Variants in FAM222B observed in about 807,000 individuals in gnomAD.
FAM222B encodes family with sequence similarity 222 member B.
A neutral mutation model predicts 38.0 loss-of-function variants in FAM222B; 12 were observed. That is an observed-to-expected ratio of 0.32 (90% CI 0.20 to 0.51). FAM222B has a LOEUF of 0.51. Among genes scored for constraint, FAM222B ranks in the 20% least tolerant of loss-of-function variants. The pLI, the probability that FAM222B is intolerant of heterozygous loss-of-function variation, is 0.97. For synonymous variants in FAM222B, 329 were observed against 317.2 expected, an observed-to-expected ratio of 1.04 and a Z score of -0.40; for missense variants, 716 against 754.2, an observed-to-expected ratio of 0.95 and a Z score of 0.59.
intron 2 of FAM222B, among the ~76,000 whole-genome samples, chr17:28,764,668 A>G (rs1388049997): frequency 6.6e-6 from 1 of 151,788 alleles, no homozygotes; most frequent in Admixed American, 6.6e-5. Flanking sequence ...AATCGCTTGA[A>G]CCCAGAAGGC....
chr17:28,813,152 C>CA (rs34840127), intron 1 of FAM222B, among the ~76,000 whole-genome samples: 11,252 of 121,644 alleles, frequency 0.092, 569 homozygotes, highest in African/African-American at 0.14. Flanking sequence ...CACACACATA[C>CA]AAAAAAAAAA....
At position 28,759,073 on chromosome 17, in the gene FAM222B, T is replaced by C. The variant is rs1241401894; in HGVS notation, c.886A>G (p.Ser296Gly). The C allele has an allele frequency of 6.2e-7, 1 of 1,612,148 alleles. No homozygotes were observed. The highest frequency in any genetic ancestry group is 2.2e-5 in the East Asian group (1 of 44,802). Residue 296 changes from serine to glycine, a missense_variant, in exon 3 of 3, where the codon AGC becomes GGC. By Grantham distance (56) the Ser-to-Gly change is moderately conservative (BLOSUM62 0). Transcript: ENST00000581407. This position sits in a 1 kb window ranked among gnomAD's most constrained non-coding sequence, Gnocchi z 4.8. ...ATGAGCAGACTGCGACTAATGGGGCTGGGGTTGGCGATCTGGCCCTCACAC... is the reference window on the plus strand; with the variant it reads ...ATGAGCAGACTGCGACTAATGGGGCCGGGGTTGGCGATCTGGCCCTCACAC... ...SVCEGQIANP[S>G]PISRSLLINA...
At chr17:28,809,047 G>A (rs945132793) in intron 1 of FAM222B, among the ~76,000 whole-genome samples, 2 of 151,984 alleles carry the variant, frequency 1.3e-5, no homozygotes, top group African/African-American at 2.4e-5. Context: ...ATTCCAAGCC[G>A]TGACTCACAG....
In FAM222B at chr17:28,815,157, G is replaced by T. The variant is rs117439686; in HGVS notation, c.-41+27525C>A. Among the ~76,000 whole-genome samples the T allele has an allele frequency of 3.0e-4, 45 of 151,536 alleles. No individual in the cohort carries two copies. The East Asian group carries it at 8.2e-3, about 28-fold the overall frequency. On this transcript the variant is annotated intron_variant, in intron 1 of 2. Transcript: ENST00000581407. Reference sequence around the variant, plus strand: ...ATGTTACACCAATCCGTCAACAGTAGTTATTGAGAGAATAAGAATACAGGT... The same window carrying T: ...ATGTTACACCAATCCGTCAACAGTATTTATTGAGAGAATAAGAATACAGGT...
At chr17:28,837,056 C>A (rs980219316) in intron 1 of FAM222B, among the ~76,000 whole-genome samples, 1 of 152,116 alleles carries the variant, frequency 6.6e-6, no homozygotes, top group East Asian at 1.9e-4. Context: ...GTGGAGGCTG[C>A]AGTGAGCCAA....
intron 1 of FAM222B, among the ~76,000 whole-genome samples, chr17:28,841,784 G>T (rs1306609468): frequency 6.6e-6 from 1 of 152,156 alleles, no homozygotes. Flanking sequence ...TTCGGGTGAG[G>T]AGCTGCAAAC....
At chr17:28,832,006 G>T (rs2038684602) in intron 1 of FAM222B, among the ~76,000 whole-genome samples, 1 of 152,018 alleles carries the variant, frequency 6.6e-6, no homozygotes, top group South Asian at 2.1e-4. Flanking sequence ...TGGCTAACAC[G>T]GTGAAACCCC....
chr17:28,758,313 G>C lies in FAM222B; in HGVS notation c.1646C>G (p.Thr549Arg), dbSNP rs772725242. 1 of 1,607,472 alleles carries C rather than the reference G, an allele frequency of 6.2e-7. No homozygotes were observed. The highest frequency in any genetic ancestry group is 8.5e-7 in the Non-Finnish European group (1 of 1,177,008). ...CTGAATATGAAGACTTCGACTCTCT[G>C]TGGGATCGGGGGCTCGGTTGCCAGG... ...RAPGNRAPDPTESRSLHIQHP... is the reference protein window; with the variant it reads ...RAPGNRAPDPRESRSLHIQHP... The change falls in exon 3 of 3, where the codon ACA becomes AGA. Residue 549 changes from threonine (T) to arginine (R), a missense_variant. Physicochemically the swap from Thr to Arg is moderately conservative, Grantham distance 71. Coordinates refer to ENST00000581407, the MANE Select transcript of FAM222B (RefSeq NM_001077498.3).
At chr17:28,832,104 G>A (rs2038688029) in intron 1 of FAM222B, among the ~76,000 whole-genome samples, 2 of 152,172 alleles carry the variant, frequency 1.3e-5, no homozygotes, top group South Asian at 4.1e-4. Flanking sequence ...GCAGAAGAAA[G>A]GCATGAACCC....
intron 1 of FAM222B, among the ~76,000 whole-genome samples, chr17:28,841,767 C>T (rs1377379687): frequency 6.6e-6 from 1 of 152,188 alleles, no homozygotes; most frequent in Non-Finnish European, 1.5e-5. Context: ...GATTGGCCCT[C>T]CATCCTTTCG....
At chr17:28,821,408 C>T (rs1478561118) in intron 1 of FAM222B, among the ~76,000 whole-genome samples, 1 of 152,172 alleles carries the variant, frequency 6.6e-6, no homozygotes, top group Admixed American at 6.5e-5. Flanking sequence ...TTATATCACA[C>T]TTTAACTTGC....
chr17:28,802,015 A>G (rs1307773374), intron 1 of FAM222B, among the ~76,000 whole-genome samples: 1 of 151,574 alleles, frequency 6.6e-6, no homozygotes, highest in Non-Finnish European at 1.5e-5. Flanking sequence ...TGCAAAAAAA[A>G]AAAAAGAAAA....
chr17:28,830,733 C>A (rs2152610491), intron 1 of FAM222B, among the ~76,000 whole-genome samples: 1 of 151,760 alleles, frequency 6.6e-6, no homozygotes, highest in East Asian at 1.9e-4. Flanking sequence ...CACCTGTAGT[C>A]CCAGCACTGT....
chr17:28,812,718 G>A, intron 1 of FAM222B, among the ~76,000 whole-genome samples: 1 of 151,882 alleles, frequency 6.6e-6, no homozygotes, highest in East Asian at 1.9e-4. Context: ...GCTGGGCCAG[G>A]TGAAGCTGCG....
intron 1 of FAM222B, among the ~76,000 whole-genome samples, chr17:28,768,546 A>T (rs2035450119): frequency 6.6e-6 from 1 of 152,048 alleles, no homozygotes; most frequent in Non-Finnish European, 1.5e-5. Context: ...AAGAAAAAAA[A>T]AAAGTCTTGG....
In FAM222B at chr17:28,760,959, T is replaced by C. The variant is rs146933102; in HGVS notation, c.83-1083A>G. Among the ~76,000 whole-genome samples the C allele has an allele frequency of 1.5e-3, 229 of 152,324 alleles. 1 individual carries two copies. The highest frequency in any genetic ancestry group is 5.4e-3 in the African/African-American group (224 of 41,566). On this transcript the variant is annotated intron_variant, in intron 2 of 2. Coordinates refer to ENST00000581407, the MANE Select transcript of FAM222B (RefSeq NM_001077498.3). ...TTATTTATTTGCTTGAGAAGGAAGA[T>C]AATAATGACAGGGCAGCAGGGAGGG... is the stretch of plus-strand genomic sequence containing the variant.
At chr17:28,838,266 G>C (rs2038917545) in intron 1 of FAM222B, among the ~76,000 whole-genome samples, 1 of 151,688 alleles carries the variant, frequency 6.6e-6, no homozygotes, top group African/African-American at 2.4e-5. Flanking sequence ...CTGGGCGACA[G>C]AGTGAGACCC....
At chr17:28,774,196 A>T (rs900851645) in intron 1 of FAM222B, among the ~76,000 whole-genome samples, 17 of 146,100 alleles carry the variant, frequency 1.2e-4, no homozygotes, top group Admixed American at 1.4e-4. Context: ...ACTTTTTCTT[A>T]AATGTAAATT....
At chr17:28,778,697 GTATATATA>G (rs1204895077) in intron 1 of FAM222B, among the ~76,000 whole-genome samples, 15 of 45,346 alleles carry the variant, frequency 3.3e-4, no homozygotes, top group Middle Eastern at 9.1e-3. Context: ...GTGTGTGTGT[GTATATATA>G]TATATATATA....
Sources: gnomAD v4.1 joint callset for allele counts (sites outside exome capture counted in the v4.1 genomes callset) on GRCh38, gnomAD v4.1.1 for gene constraint, Gnocchi (gnomAD v3.1) non-coding constraint, MANE v1.5 for transcripts, NCBI Gene and HGNC (gene_info 2026-07-23, HGNC 2026-07-21) for gene names.